TERF2: variants seen among roughly 807,000 people sequenced by gnomAD.
TERF2 encodes the protein telomeric repeat binding factor 2.
In TERF2, 16 loss-of-function variants were observed where a neutral mutation model predicts 56.1. The ratio of observed to expected loss-of-function variants is 0.29; its 90% CI spans 0.19 to 0.43. TERF2 has a LOEUF of 0.43. Among genes scored for constraint, TERF2 ranks in the 20% least tolerant of loss-of-function variants. The pLI is 1.00. For synonymous variants in TERF2, 296 were observed against 282.1 expected, an observed-to-expected ratio of 1.05 and a Z score of -0.50; for missense variants, 547 against 712.9, an observed-to-expected ratio of 0.77 and a Z score of 2.65.
At chr16:69,360,756 T>G (rs1457362439) in intron 8 of TERF2, among the ~76,000 whole-genome samples, 1 of 151,930 alleles carries the variant, frequency 6.6e-6, no homozygotes, top group African/African-American at 2.4e-5. Context: ...GTTAAGATTT[T>G]TTTTTCTTTA....
In TERF2 at chr16:69,384,484, G is replaced by A. The variant is rs1190313273; in HGVS notation, c.606+96C>T. The A allele has an allele frequency of 5.2e-6, 7 of 1,335,902 alleles. No individual in the cohort carries two copies. In the East Asian group the frequency reaches 1.0e-4, roughly 19 times the overall value. 82.8% of individuals were successfully genotyped at this position (1,335,902 alleles called of 1,614,324 possible). A position where few individuals can be genotyped will look rare whatever the true frequency, so the allele number is the denominator to read the frequency against. On this transcript the variant is annotated intron_variant, in intron 3 of 9. Coordinates refer to ENST00000254942, the MANE Select transcript of TERF2 (RefSeq NM_005652.5). ...GCTTGCTCAATCTCTCCCCATTGCT[G>A]TTTTCCTCTGCCCCACACAGTAAAG...
At chr16:69,378,885 TGAA>T (rs751309871) in intron 3 of TERF2, among the ~76,000 whole-genome samples, 6 of 151,068 alleles carry the variant, frequency 4.0e-5, no homozygotes, top group Non-Finnish European at 8.8e-5. Context: ...CAAATTGAAA[TGAA>T]GAAGTCTGCT....
At chr16:69,371,176 T>C (rs2013559684) in intron 4 of TERF2, among the ~76,000 whole-genome samples, 1 of 152,116 alleles carries the variant, frequency 6.6e-6, no homozygotes, top group East Asian at 1.9e-4. Flanking sequence ...ATTATGTACA[T>C]GTATTACCTT....
At position 69,362,171 on chromosome 16, in the gene TERF2, C is replaced by T. The variant is rs542290095; in HGVS notation, c.1341-682G>A. Among the ~76,000 whole-genome samples the T allele has an allele frequency of 3.2e-4, 49 of 152,060 alleles. No homozygotes were observed. The South Asian group carries it at 9.6e-3, about 30-fold the overall frequency. ...CACACCTGTGCAAACAGCACAGCCA[C>T]ACTGTTCTGCTCTTTCTTCCTTCCA... On this transcript the variant is annotated intron_variant, in intron 7 of 9. Coordinates refer to ENST00000254942, the MANE Select transcript of TERF2 (RefSeq NM_005652.5).
chr16:69,382,901 C>T (rs1455179766), intron 3 of TERF2, among the ~76,000 whole-genome samples: 4 of 152,130 alleles, frequency 2.6e-5, no homozygotes, highest in Non-Finnish European at 5.9e-5. Context: ...CTTGGAGTAA[C>T]TTGTTACACT....
chr16:69,361,638 A>G (rs750807001), intron 7 of TERF2, 149 bp from the exon 8 acceptor site: 1 of 645,448 alleles, frequency 1.5e-6, no homozygotes, highest in Non-Finnish European at 2.8e-6. Flanking sequence ...TCCCAAAGCC[A>G]CTGTCCTTTC....
chr16:69,366,114 G>A (rs545277481), intron 7 of TERF2: 1 of 152,212 alleles, frequency 6.6e-6, no homozygotes, highest in East Asian at 1.9e-4. Context: ...TCCCTTTAAA[G>A]GACAAATGGG....
intron 6 of TERF2, 41 bp downstream of exon 6, chr16:69,368,335 C>G (rs1161620374): frequency 6.3e-7 from 1 of 1,594,570 alleles, no homozygotes. Flanking sequence ...CAGCGACCAC[C>G]CTAGTGTTTT....
chr16:69,385,742 A>G lies in TERF2; in HGVS notation c.230T>C (p.Leu77Pro), dbSNP rs1483680905. 1 of 1,458,162 alleles carries G rather than the reference A, an allele frequency of 6.9e-7. No individual in the cohort carries two copies. Among genetic ancestry groups the G allele is most frequent in the Non-Finnish European group, 9.0e-7 (1 of 1,109,148 alleles). The allele number at this position is 1,458,162 out of a possible 1,614,324, so 90.3% of individuals were successfully genotyped here. ...RARRGRHEPG[L>P]GGPAERGAGE... The stretch of plus-strand genomic sequence containing the variant: ...CGCGCCGCGCTCCGCCGGGCCCCCC[A>G]GCCCCGGCTCGTGGCGCCCCCGCCG... Residue 77 changes from leucine to proline, a missense_variant, in exon 1 of 10, where the codon CTG becomes CCG. Physicochemically the swap from Leu to Pro is moderately conservative, Grantham distance 98 (BLOSUM62 -3). This residue lies in a region of TERF2 where 120 missense variants were observed against 172.4 expected (regional missense o/e 0.70). Coordinates refer to ENST00000254942, the MANE Select transcript of TERF2 (RefSeq NM_005652.5).
chr16:69,374,027 A>C (rs1342250874), intron 3 of TERF2, among the ~76,000 whole-genome samples: 1 of 152,206 alleles, frequency 6.6e-6, no homozygotes, highest in Non-Finnish European at 1.5e-5. Context: ...TTGAATATGC[A>C]GGCACAGTTC....
intron 3 of TERF2, among the ~76,000 whole-genome samples, chr16:69,378,920 T>C (rs2013891315): frequency 6.7e-6 from 1 of 149,446 alleles, no homozygotes; most frequent in Admixed American, 6.6e-5. Flanking sequence ...GCTATGAGCT[T>C]ATCTTTTAAA....
Position 69,385,927 on chromosome 16 carries a change from G to A in TERF2, c.45C>T (p.Gly15=). The change falls in exon 1 of 10, where the codon GGC becomes GGT. Residue 15 remains glycine (G), a synonymous_variant. Coordinates refer to ENST00000254942, the MANE Select transcript of TERF2 (RefSeq NM_005652.5). ...GTGACGCCGCTGGGTCACGCACGAC[G>A]CCCGGGCCGGAAGCGGGGCCCGCCG... The part of the protein sequence containing the change: ...AGTAGPASGP[G]VVRDPAASQP... 5 of 1,375,888 alleles carry A rather than the reference G, an allele frequency of 3.6e-6. No individual in the cohort carries two copies. Among genetic ancestry groups the A allele is most frequent in the Non-Finnish European group, 4.7e-6 (5 of 1,063,480 alleles). 85.2% of individuals were successfully genotyped at this position (1,375,888 alleles called of 1,614,324 possible).
At chr16:69,360,508 A>G (rs1406321633) in intron 8 of TERF2, among the ~76,000 whole-genome samples, 1 of 152,090 alleles carries the variant, frequency 6.6e-6, no homozygotes, top group Non-Finnish European at 1.5e-5. Context: ...GTTCGAGATC[A>G]TACTGGCCAA....
chr16:69,379,920 GT>G (rs1273705307), intron 3 of TERF2, among the ~76,000 whole-genome samples: 4 of 150,946 alleles, frequency 2.6e-5, no homozygotes, highest in South Asian at 4.2e-4. Flanking sequence ...GTAGAGTGGG[GT>G]TTTTTTTTGA....
Position 69,366,964 on chromosome 16 carries a change from T to C in TERF2, c.1183A>G (p.Lys395Glu), listed in dbSNP as rs751655586. 10 of 1,614,118 alleles carry C rather than the reference T, an allele frequency of 6.2e-6. No individual in the cohort carries two copies. The highest frequency in any genetic ancestry group is 1.3e-5 in the African/African-American group (1 of 74,936). ...CTGCTTATTGTCATGCGCTTGTTCT[T>C]GGGCTGCAGTTCCGAGCCACCCTCA... ...DGEGGSELQP[K>E]NKRMTISRLV... Residue 395 changes from lysine to glutamate, a missense_variant, in exon 7 of 10, where the codon AAG becomes GAG. Physicochemically the swap from Lys to Glu is moderately conservative, Grantham distance 56. Coordinates refer to ENST00000254942, the MANE Select transcript of TERF2 (RefSeq NM_005652.5).
intron 4 of TERF2, 134 bp from the exon 5 acceptor site, chr16:69,370,763 G>C: frequency 1.2e-6 from 1 of 856,308 alleles, no homozygotes; most frequent in Non-Finnish European, 1.8e-6. Flanking sequence ...CATACAGGAA[G>C]GGAAGCCCAA....
intron 6 of TERF2, 95 bp downstream of exon 6, chr16:69,368,281 A>C: frequency 8.9e-7 from 1 of 1,120,178 alleles, no homozygotes; most frequent in Non-Finnish European, 1.3e-6. Context: ...AGTAGGTCGG[A>C]GTGCTGAGAG....
At position 69,378,961 on chromosome 16, in the gene TERF2, A is replaced by G. The variant is rs555804000; in HGVS notation, c.606+5619T>C. On this transcript the variant is annotated intron_variant, in intron 3 of 9. Transcript: ENST00000254942. ...GTATTAATTTCCTGTGGGGGGGGGG[A>G]AATTAAAAAGATGAATCACTGCTTT... 0.011 allele frequency among the ~76,000 whole-genome samples: 1,558 copies of G among 142,332 alleles called. 64 individuals are homozygous for G. In the South Asian group the frequency reaches 0.15, roughly 14 times the overall value. The allele number at this position is 142,332 out of a possible 152,430, so 93.4% of individuals were successfully genotyped here. A position where few individuals can be genotyped will look rare whatever the true frequency, so the allele number is the denominator to read the frequency against.
In TERF2 at chr16:69,356,173, T is replaced by C. The variant is rs767318770; in HGVS notation, c.*725A>G. 4.4e-6 allele frequency: 2 copies of C among 455,206 alleles called. No homozygotes were observed. The highest frequency in any genetic ancestry group is 3.1e-5 in the South Asian group (2 of 64,378). 28.2% of individuals were successfully genotyped at this position (455,206 alleles called of 1,614,324 possible). A position where few individuals can be genotyped will look rare whatever the true frequency, so the allele number is the denominator to read the frequency against. On this transcript the variant is annotated 3_prime_UTR_variant, in exon 10 of 10. Transcript: ENST00000254942. ...TGCATTTGCATCAGAAGGCCAGAAC[T>C]TGACGTGGAACAAATTTACTCCAAA...
Sources: allele counts gnomAD v4.1 joint callset (sites outside exome capture counted in the v4.1 genomes callset), GRCh38; gene constraint gnomAD v4.1.1; regional missense constraint gnomAD v4.1.1; transcripts MANE v1.5; gene names NCBI Gene and HGNC (gene_info 2026-07-23, HGNC 2026-07-21).